Variants in UVRAG observed in about 807,000 individuals in gnomAD.
The protein encoded by UVRAG is UV radiation resistance-associated gene protein.
In UVRAG, 19 loss-of-function variants were observed where a neutral mutation model predicts 78.0. The observed-to-expected ratio is 0.24, with a 90% CI of 0.17 to 0.36. UVRAG has a LOEUF of 0.36. Ranked by LOEUF, UVRAG falls within the 10% of genes least tolerant of loss-of-function variation. The pLI, the probability that UVRAG is intolerant of heterozygous loss-of-function variation, is 1.00. For missense variants in UVRAG, 740 were observed against 853.8 expected, an observed-to-expected ratio of 0.87 and a Z score of 1.66; for synonymous variants, 323 against 324.6, an observed-to-expected ratio of 1.00 and a Z score of 0.05.
intron 6 of UVRAG, among the ~76,000 whole-genome samples, chr11:75,915,814 A>G (rs1044939268): frequency 6.6e-6 from 1 of 152,160 alleles, no homozygotes; most frequent in Non-Finnish European, 1.5e-5. Context: ...TTGATAGGGA[A>G]TTATTGAAAG....
At chr11:75,982,883 G>A (rs182075949) in intron 7 of UVRAG, among the ~76,000 whole-genome samples, 36 of 152,192 alleles carry the variant, frequency 2.4e-4, no homozygotes, top group African/African-American at 7.5e-4. Context: ...GTATGGATAG[G>A]CCACATTTTA....
intron 14 of UVRAG, among the ~76,000 whole-genome samples, chr11:76,118,744 C>G (rs968254015): frequency 1.3e-5 from 2 of 152,148 alleles, no homozygotes; most frequent in Non-Finnish European, 2.9e-5. Flanking sequence ...CATCTGCAAA[C>G]TGAAATGAGA....
At chr11:76,049,852 C>T (rs935525884) in intron 12 of UVRAG, among the ~76,000 whole-genome samples, 3 of 152,098 alleles carry the variant, frequency 2.0e-5, no homozygotes, top group African/African-American at 7.2e-5. Flanking sequence ...GTACAGGGTT[C>T]GTGAAGACAC....
intron 4 of UVRAG, among the ~76,000 whole-genome samples, chr11:75,885,813 T>G (rs898736145): frequency 6.6e-6 from 1 of 152,160 alleles, no homozygotes; most frequent in Non-Finnish European, 1.5e-5. Flanking sequence ...TTAAGCATAT[T>G]TATTAGTCAG....
intron 1 of UVRAG, among the ~76,000 whole-genome samples, chr11:75,827,174 A>C (rs1322928970): frequency 1.3e-5 from 2 of 152,174 alleles, no homozygotes; most frequent in Non-Finnish European, 2.9e-5. Context: ...AGATCATAAA[A>C]GTAAACATGA....
intron 6 of UVRAG, among the ~76,000 whole-genome samples, chr11:75,950,570 G>T (rs1948671993): frequency 6.6e-6 from 1 of 152,084 alleles, no homozygotes; most frequent in South Asian, 2.1e-4. Flanking sequence ...ATACCTGAGA[G>T]TGAAACTGTT....
chr11:75,819,457 C>T (rs115934895), intron 1 of UVRAG, among the ~76,000 whole-genome samples: 2,389 of 152,186 alleles, frequency 0.016, 81 homozygotes, highest in African/African-American at 0.055. Flanking sequence ...AAGCAATCCT[C>T]CCACCTCAGC....
At chr11:75,821,516 T>C (rs918847890) in intron 1 of UVRAG, among the ~76,000 whole-genome samples, 1 of 152,134 alleles carries the variant, frequency 6.6e-6, no homozygotes, top group Non-Finnish European at 1.5e-5. Context: ...CCAGCTAATT[T>C]GAAAATTTTT....
intron 4 of UVRAG, among the ~76,000 whole-genome samples, chr11:75,885,422 T>C (rs951034275): frequency 6.6e-6 from 1 of 152,154 alleles, no homozygotes; most frequent in African/African-American, 2.4e-5. Context: ...TTTTTGAAGA[T>C]CATGTGAACA....
chr11:75,865,158 A>G (rs1243997474), intron 3 of UVRAG, among the ~76,000 whole-genome samples: 1 of 151,984 alleles, frequency 6.6e-6, no homozygotes, highest in Non-Finnish European at 1.5e-5. Flanking sequence ...GTGGTGGCAC[A>G]TGCCTGTAAT....
At chr11:76,112,714 ATTTCTTTTTTCT>A (rs895329267) in intron 13 of UVRAG, among the ~76,000 whole-genome samples, 4 of 148,792 alleles carry the variant, frequency 2.7e-5, no homozygotes, top group Non-Finnish European at 4.4e-5. Context: ...TTTTTATTCT[ATTTCTTTTTTCT>A]TTTCTTTTTT....
At chr11:75,912,336 A>G (rs927324349) in intron 6 of UVRAG, among the ~76,000 whole-genome samples, 1 of 152,234 alleles carries the variant, frequency 6.6e-6, no homozygotes, top group Admixed American at 6.5e-5. Flanking sequence ...ACAGTAATCA[A>G]AGTTGCAAAA....
At chr11:75,893,572 A>G (rs575741287) in intron 5 of UVRAG, among the ~76,000 whole-genome samples, 4 of 151,258 alleles carry the variant, frequency 2.6e-5, no homozygotes, top group South Asian at 4.2e-4. Context: ...TAGGTCTTCA[A>G]TGCGCTGTTA....
chr11:75,820,126 G>A (rs1945353627), intron 1 of UVRAG, among the ~76,000 whole-genome samples: 1 of 151,808 alleles, frequency 6.6e-6, no homozygotes, highest in African/African-American at 2.4e-5. Flanking sequence ...ACAGGCATGT[G>A]CCACCATACC....
chr11:75,815,487 C>T lies in UVRAG; in HGVS notation c.80C>T (p.Ala27Val). Residue 27 changes from alanine to valine, a missense_variant, in exon 1 of 15, where the codon GCC becomes GTC. Transcript: ENST00000356136. Reference sequence around the variant, plus strand: ...GCCGCTGCTCTGCCTCCCGGTTCTGCCGCGCGGGCCCTGCATGTGGAGCTG... The same window carrying T: ...GCCGCTGCTCTGCCTCCCGGTTCTGTCGCGCGGGCCCTGCATGTGGAGCTG... ...GPAAALPPGS[A>V]ARALHVELPS... 2 of 1,243,826 alleles carry T rather than the reference C, an allele frequency of 1.6e-6. No individual in the cohort carries two copies. The highest frequency in any genetic ancestry group is 1.0e-6 in the Non-Finnish European group (1 of 993,580). The allele number at this position is 1,243,826 out of a possible 1,614,324, so 77.0% of individuals were successfully genotyped here.
chr11:75,931,313 T>G (rs1296768032), intron 6 of UVRAG, among the ~76,000 whole-genome samples: 2 of 152,140 alleles, frequency 1.3e-5, no homozygotes, highest in African/African-American at 4.8e-5. Context: ...GATTTTAGTC[T>G]AGTGTGTTAG....
At chr11:75,973,867 A>C (rs952326528) in intron 7 of UVRAG, among the ~76,000 whole-genome samples, 1 of 152,092 alleles carries the variant, frequency 6.6e-6, no homozygotes, top group Admixed American at 6.6e-5. Flanking sequence ...CATCCATGTC[A>C]CTGCAAAGGA....
intron 1 of UVRAG, among the ~76,000 whole-genome samples, chr11:75,850,267 C>G (rs1466009138): frequency 6.6e-6 from 1 of 152,152 alleles, no homozygotes; most frequent in Non-Finnish European, 1.5e-5. Context: ...TCCCTGGAGA[C>G]CCTATTCTCC....
At chr11:75,948,897 A>G (rs558604142) in intron 6 of UVRAG, among the ~76,000 whole-genome samples, 3 of 152,172 alleles carry the variant, frequency 2.0e-5, no homozygotes, top group Non-Finnish European at 2.9e-5. Context: ...TGATATTTCT[A>G]GTTGTCTCTA....
Sources: allele counts gnomAD v4.1 joint callset (sites outside exome capture counted in the v4.1 genomes callset), GRCh38; gene constraint gnomAD v4.1.1; transcripts MANE v1.5; gene names NCBI Gene and HGNC (gene_info 2026-07-23, HGNC 2026-07-21).